HDAC1: variants seen among roughly 807,000 people sequenced by gnomAD.
HDAC1 encodes protein deacetylase HDAC1.
In HDAC1, 18 loss-of-function variants were observed where a neutral mutation model predicts 65.5. That is an observed-to-expected ratio of 0.27 (90% CI 0.19 to 0.41). HDAC1 has a LOEUF of 0.41. HDAC1 is among the 10% of genes least tolerant of loss of function. The pLI, the probability that HDAC1 is intolerant of heterozygous loss-of-function variation, is 1.00. For missense variants in HDAC1, 373 were observed against 625.2 expected (o/e 0.60, Z 4.30); for synonymous variants, 211 against 227.9 (o/e 0.93, Z 0.67).
At position 32,320,869 on chromosome 1, in the gene HDAC1, C is replaced by T. The variant is rs567539444; in HGVS notation, c.281-3610C>T. Among the ~76,000 whole-genome samples, 4 of 123,394 alleles carry T rather than the reference C, an allele frequency of 3.2e-5. No homozygotes were observed. The South Asian group carries it at 1.0e-3, about 31-fold the overall frequency. The allele number at this position is 123,394 out of a possible 152,430, so 81.0% of individuals were successfully genotyped here. ...GAGCCAAGATCGCGCCACTGCACTCCAGCCTGGGCGACAGAGCAAGACTCC... is the reference window on the plus strand; with the variant it reads ...GAGCCAAGATCGCGCCACTGCACTCTAGCCTGGGCGACAGAGCAAGACTCC... On this transcript the variant is annotated intron_variant, in intron 3 of 13. Transcript: ENST00000373548.
intron 1 of HDAC1, among the ~76,000 whole-genome samples, chr1:32,294,737 AT>A (rs1640744465): frequency 6.7e-6 from 1 of 150,372 alleles, no homozygotes; most frequent in African/African-American, 2.5e-5. Flanking sequence ...GATGGTCTGG[AT>A]CTCCTGACCT....
intron 3 of HDAC1, among the ~76,000 whole-genome samples, chr1:32,323,060 T>G (rs1165395180): frequency 6.6e-6 from 1 of 152,078 alleles, no homozygotes; most frequent in Non-Finnish European, 1.5e-5. Context: ...CCCAGCACTT[T>G]GGGAGGCCGA....
intron 3 of HDAC1, 94 bp from the exon 4 acceptor site, chr1:32,324,385 C>T (rs1641188406): frequency 1.2e-6 from 1 of 851,192 alleles, no homozygotes; most frequent in African/African-American, 1.7e-5. Context: ...ACCCACACCT[C>T]CTGAATTTAA....
rs570200610 is a variant in HDAC1, at chr1:32,327,686, G to A, written c.636+9G>A. The A allele has an allele frequency of 2.5e-6, 4 of 1,613,738 alleles. No homozygotes were observed. Among genetic ancestry groups the A allele is most frequent in the Middle Eastern group, 1.7e-4 (1 of 6,060 alleles). On this transcript the variant is annotated intron_variant, in intron 6 of 13. Coordinates refer to ENST00000373548, the MANE Select transcript of HDAC1 (RefSeq NM_004964.3). This position sits in a 1 kb window ranked among gnomAD's most constrained non-coding sequence, Gnocchi z 6.0. ...GAACTGGGGACCTACGGGTGAGAACGCCCTTTAGGAGCCAACCGGCTTACC... is the reference window on the plus strand; with the variant it reads ...GAACTGGGGACCTACGGGTGAGAACACCCTTTAGGAGCCAACCGGCTTACC...
rs1641262107 is a variant in HDAC1 at position 32,329,431 on chromosome 1, C to A, written c.729+271C>A. On this transcript the variant is annotated intron_variant, in intron 7 of 13. Coordinates refer to ENST00000373548, the MANE Select transcript of HDAC1 (RefSeq NM_004964.3). The surrounding 1 kb of genome is among the most constrained non-coding windows in gnomAD (Gnocchi z 4.1). ...CGGACTATGGTGGGGAAGGCAGGCA[C>A]ATACCCAGTAGTCTATGATTAGTAC... 1 of 566,990 alleles carries A rather than the reference C, an allele frequency of 1.8e-6. No individual in the cohort carries two copies. The highest frequency in any genetic ancestry group is 3.0e-5 in the Admixed American group (1 of 32,982). The allele number at this position is 566,990 out of a possible 1,614,324, so 35.1% of individuals were successfully genotyped here.
chr1:32,300,556 T>C (rs1038958617), intron 1 of HDAC1, among the ~76,000 whole-genome samples: 10 of 151,506 alleles, frequency 6.6e-5, no homozygotes, highest in Non-Finnish European at 1.5e-4. Context: ...AGACTCCGTC[T>C]CAAGAAATAA....
chr1:32,319,296 TGGGGGCAGGAAGAATAAGCC>T (rs1641108322), intron 3 of HDAC1, among the ~76,000 whole-genome samples: 1 of 152,052 alleles, frequency 6.6e-6, no homozygotes, highest in South Asian at 2.1e-4. Flanking sequence ...TCATCAGAAA[TGGGGGCAGGAAGAATAAGCC>T]TCTCTAAGAA....
chr1:32,315,789 A>G (rs1641053016), intron 2 of HDAC1, among the ~76,000 whole-genome samples: 1 of 148,460 alleles, frequency 6.7e-6, no homozygotes. Flanking sequence ...AACATGGTAA[A>G]ACCCCATCTC....
intron 2 of HDAC1, among the ~76,000 whole-genome samples, chr1:32,316,247 G>A (rs988199428): frequency 6.7e-6 from 1 of 149,712 alleles, no homozygotes; most frequent in African/African-American, 2.6e-5. Flanking sequence ...TTGCGCCACT[G>A]CACTCTAGCC....
chr1:32,318,429 G>A lies in HDAC1; in HGVS notation c.280+1647G>A, dbSNP rs558171665. On this transcript the variant is annotated intron_variant, in intron 3 of 13. Coordinates refer to ENST00000373548, the MANE Select transcript of HDAC1 (RefSeq NM_004964.3). ...AATAAAAAAATTAGCTGGGCATGGC[G>A]GTGCACACCTGTGGTCCCAGCTACT... Among the ~76,000 whole-genome samples, 14 of 152,090 alleles carry A rather than the reference G, an allele frequency of 9.2e-5. 1 individual carries two copies. The East Asian group carries it at 1.6e-3, about 17-fold the overall frequency.
chr1:32,297,345 C>T lies in HDAC1; in HGVS notation c.49+5127C>T, dbSNP rs1640780878. ...TCACTTGAGACCAGGCGTTCAAGAC[C>T]AGCCTGGGCAACAAAATGAGACCTC... On this transcript the variant is annotated intron_variant, in intron 1 of 13. Coordinates refer to ENST00000373548, the MANE Select transcript of HDAC1 (RefSeq NM_004964.3). 4.6e-5 allele frequency among the ~76,000 whole-genome samples: 7 copies of T among 152,234 alleles called. No individual in the cohort carries two copies. The South Asian group carries it at 1.5e-3, about 32-fold the overall frequency.
chr1:32,323,194 G>T (rs1253269459), intron 3 of HDAC1, among the ~76,000 whole-genome samples: 1 of 151,842 alleles, frequency 6.6e-6, no homozygotes, highest in East Asian at 1.9e-4. Flanking sequence ...CCAGCTACTC[G>T]GGAGGCTGAG....
Position 32,327,746 on chromosome 1 carries a change from A to C in HDAC1, c.636+69A>C. The C allele has an allele frequency of 4.6e-4, 674 of 1,457,560 alleles. No homozygotes were observed. Among genetic ancestry groups the C allele is most frequent in the Non-Finnish European group, 5.8e-4 (607 of 1,040,220 alleles). The allele number at this position is 1,457,560 out of a possible 1,614,324, so 90.3% of individuals were successfully genotyped here. ...CAGCTCTACTTCTCTCTCCTATCTC[A>C]TGCCACTAAAAATTGCTTCTTGCCT... On this transcript the variant is annotated intron_variant, in intron 6 of 13. Transcript: ENST00000373548. This position sits in a 1 kb window ranked among gnomAD's most constrained non-coding sequence, Gnocchi z 6.0.
intron 2 of HDAC1, among the ~76,000 whole-genome samples, chr1:32,312,168 A>G (rs1289672564): frequency 6.6e-6 from 1 of 152,036 alleles, no homozygotes; most frequent in Non-Finnish European, 1.5e-5. Flanking sequence ...TTTTGATAAA[A>G]CAGTATCTGT....
chr1:32,311,329 G>A (rs1016938495), intron 2 of HDAC1, among the ~76,000 whole-genome samples: 6 of 152,072 alleles, frequency 3.9e-5, no homozygotes, highest in South Asian at 2.1e-4. Context: ...TTAGCCGGGC[G>A]TGGTCGCGGG....
intron 3 of HDAC1, among the ~76,000 whole-genome samples, chr1:32,323,656 C>G (rs1345868193): frequency 6.6e-6 from 1 of 152,112 alleles, no homozygotes; most frequent in Non-Finnish European, 1.5e-5. Flanking sequence ...CCTTAGCCTC[C>G]CGAAGTGCTG....
intron 4 of HDAC1, among the ~76,000 whole-genome samples, chr1:32,325,431 C>T (rs761163071): frequency 2.4e-4 from 36 of 152,328 alleles, no homozygotes; most frequent in Admixed American, 1.4e-3. Context: ...CACCCACAGT[C>T]ACAGGGTTGG....
Position 32,330,771 on chromosome 1 carries a change from A to T in HDAC1, c.842A>T (p.His281Leu). 6.2e-7 allele frequency: 1 copy of T among 1,614,144 alleles called. No homozygotes were observed. The highest frequency in any genetic ancestry group is 8.5e-7 in the Non-Finnish European group (1 of 1,180,026). Residue 281 changes from histidine (H) to leucine (L), a missense_variant, in exon 9 of 14, where the codon CAC (histidine) becomes CTC (leucine). His to Leu is a moderately conservative substitution (Grantham distance 99). Coordinates refer to ENST00000373548, the MANE Select transcript of HDAC1 (RefSeq NM_004964.3). The surrounding 1 kb of genome is among the most constrained non-coding windows in gnomAD (Gnocchi z 4.2). The part of the protein sequence containing the change: ...LGCFNLTIKG[H>L]AKCVEFVKSF... ...AGCACCCCTTCTCCCACCAAAGGAC[A>T]CGCCAAGTGTGTGGAATTTGTCAAG...
At chr1:32,324,820 A>G (rs1345526094) in intron 4 of HDAC1, among the ~76,000 whole-genome samples, 2 of 152,124 alleles carry the variant, frequency 1.3e-5, no homozygotes, top group Non-Finnish European at 1.5e-5. Flanking sequence ...TAAAATAAGT[A>G]AAAACAATTA....
Sources: allele counts gnomAD v4.1 joint callset (sites outside exome capture counted in the v4.1 genomes callset), GRCh38; gene constraint gnomAD v4.1.1; non-coding constraint Gnocchi (gnomAD v3.1); transcripts MANE v1.5; gene names NCBI Gene and HGNC (gene_info 2026-07-23, HGNC 2026-07-21).